UBN2: variants seen among roughly 807,000 people sequenced by gnomAD.
The protein encoded by UBN2 is ubinuclein 2.
Under a neutral mutation model 120.2 loss-of-function variants are expected in UBN2, and 35 were observed. The ratio of observed to expected loss-of-function variants is 0.29; its 90% CI spans 0.22 to 0.39. UBN2 has a LOEUF of 0.39. Among genes scored for constraint, UBN2 ranks in the 10% least tolerant of loss-of-function variants. The probability of loss-of-function intolerance (pLI) is 1.00; values close to 1 mark genes in which losing one functional copy is unlikely to be tolerated. For missense variants in UBN2, 1,693 were observed against 1,663.2 expected (o/e 1.02, Z -0.31); for synonymous variants, 661 against 648.7 (o/e 1.02, Z -0.29).
chr7:139,294,193 A>G (rs1011869254), intron 17 of UBN2, among the ~76,000 whole-genome samples: 1 of 152,196 alleles, frequency 6.6e-6, no homozygotes, highest in Non-Finnish European at 1.5e-5. Context: ...AGCCTTTTTG[A>G]AGGTGTTTAT....
chr7:139,293,495 TCTAGC>T, intron 16 of UBN2, 32 bp downstream of exon 16: 1 of 1,592,290 alleles, frequency 6.3e-7, no homozygotes, highest in Non-Finnish European at 8.6e-7. Flanking sequence ...GGTTGGGCTG[TCTAGC>T]TTGACAGAAC....
chr7:139,324,585 A>G, the UBN2 span, among the ~76,000 whole-genome samples: 5 of 151,364 alleles, frequency 3.3e-5, no homozygotes, highest in African/African-American at 7.3e-5. Context: ...AGAAAAAGAA[A>G]CTTATGCTAT....
rs1240471535 is a variant in UBN2, at chr7:139,302,748, T to A, written c.*4912T>A. ...CAAGAGGCCACCTTCGCCCTTTGAATATCTGCTTGTAGAAGTTAACAATAA... is the reference window on the plus strand; with the variant it reads ...CAAGAGGCCACCTTCGCCCTTTGAAAATCTGCTTGTAGAAGTTAACAATAA... On this transcript the variant is annotated 3_prime_UTR_variant, in exon 18 of 18. Transcript: ENST00000473989. 6.8e-6 allele frequency: 1 copy of A among 146,876 alleles called. No homozygotes were observed. Among genetic ancestry groups the A allele is most frequent in the Non-Finnish European group, 1.5e-5 (1 of 67,356 alleles). The allele number at this position is 146,876 out of a possible 1,614,324, so 9.1% of individuals were successfully genotyped here.
intron 8 of UBN2, among the ~76,000 whole-genome samples, chr7:139,271,570 C>T (rs922869419): frequency 9.5e-5 from 14 of 146,736 alleles, no homozygotes; most frequent in African/African-American, 1.5e-4. Flanking sequence ...TGTGTGACAG[C>T]GAGACTCTGT....
rs1160425111 is a variant in UBN2 at position 139,256,332 on chromosome 7, T to G, written c.664-2156T>G. ...GGTGATATATTTAGAATTTACTTTA[T>G]TATTTCAGAAGTTTTTTTCTTACAC... On this transcript the variant is annotated intron_variant, in intron 3 of 17. Transcript: ENST00000473989. 2.6e-5 allele frequency among the ~76,000 whole-genome samples: 4 copies of G among 152,232 alleles called. No homozygotes were observed. The East Asian group carries it at 7.7e-4, about 29-fold the overall frequency.
At chr7:139,261,178 G>T in intron 5 of UBN2, 74 bp from the exon 6 acceptor site, 1 of 1,482,318 alleles carries the variant, frequency 6.7e-7, no homozygotes, top group Non-Finnish European at 9.0e-7. Flanking sequence ...TTTTAATTCT[G>T]TGCCTGCTTA....
At chr7:139,266,040 T>C (rs948863593) in intron 6 of UBN2, among the ~76,000 whole-genome samples, 1 of 152,080 alleles carries the variant, frequency 6.6e-6, no homozygotes, top group African/African-American at 2.4e-5. Context: ...ACTCATTTGG[T>C]GTTCTACTGT....
intron 9 of UBN2, among the ~76,000 whole-genome samples, chr7:139,273,055 A>AT (rs1797335815): frequency 6.6e-6 from 1 of 152,220 alleles, no homozygotes. Context: ...ACTGTGGTTG[A>AT]ACACAAGTGT....
chr7:139,273,880 A>G (rs977832174), intron 10 of UBN2, 51 bp from the exon 11 acceptor site: 2 of 1,480,914 alleles, frequency 1.4e-6, no homozygotes, highest in Non-Finnish European at 1.8e-6. Flanking sequence ...ATTGCTGCCA[A>G]ATGTATGTTC....
At chr7:139,288,285 T>TA (rs1480319994) in intron 15 of UBN2, among the ~76,000 whole-genome samples, 1 of 152,142 alleles carries the variant, frequency 6.6e-6, no homozygotes, top group Non-Finnish European at 1.5e-5. Flanking sequence ...GATAATATGA[T>TA]AAAAGTGATT....
chr7:139,288,742 G>T (rs983984412), intron 15 of UBN2, among the ~76,000 whole-genome samples: 1 of 152,076 alleles, frequency 6.6e-6, no homozygotes, highest in Admixed American at 6.6e-5. Flanking sequence ...GGTGGCTCAT[G>T]CCTGTAAACC....
intron 12 of UBN2, among the ~76,000 whole-genome samples, chr7:139,278,179 G>C (rs1335773373): frequency 6.7e-6 from 1 of 149,170 alleles, no homozygotes. Context: ...GTCTCTCTCT[G>C]GCTTTTTTTT....
At chr7:139,250,948 AT>A (rs1796609215) in intron 2 of UBN2, among the ~76,000 whole-genome samples, 1 of 152,100 alleles carries the variant, frequency 6.6e-6, no homozygotes, top group Non-Finnish European at 1.5e-5. Context: ...CTCTACAAAA[AT>A]ATTTAAAAAT....
rs761675750 is a variant in UBN2, at chr7:139,261,506, C to T, written c.1160C>T (p.Thr387Ile). The change falls in exon 6 of 18, where the codon ACA becomes ATA. Residue 387 changes from threonine (T) to isoleucine (I), a missense_variant. By Grantham distance (89) the Thr-to-Ile change is moderately conservative. Coordinates refer to ENST00000473989, the MANE Select transcript of UBN2 (RefSeq NM_173569.4). Reference protein sequence around the residue: ...GDPDLPIFVSTNEHELFQEAE... With the variant: ...GDPDLPIFVSINEHELFQEAE... The stretch of plus-strand genomic sequence containing the variant: ...CCAGACCTTCCCATTTTTGTTAGCA[C>T]AAATGAACATGAGCTGTTTCAGGAA... The T allele has an allele frequency of 1.9e-6, 3 of 1,614,172 alleles. No homozygotes were observed. The highest frequency in any genetic ancestry group is 2.2e-5 in the South Asian group (2 of 91,080).
Position 139,266,417 on chromosome 7 carries a change from T to A in UBN2, c.1466+14T>A. On this transcript the variant is annotated intron_variant, in intron 7 of 17. Transcript: ENST00000473989. Reference sequence around the variant, plus strand: ...TATTCTTCTGGAGTAAGTAATTTTCTTTAAAAAAAAAAACCTTAAGAATGA... The same window carrying A: ...TATTCTTCTGGAGTAAGTAATTTTCATTAAAAAAAAAAACCTTAAGAATGA... 7.1e-7 allele frequency: 1 copy of A among 1,412,734 alleles called. No individual in the cohort carries two copies. Among genetic ancestry groups the A allele is most frequent in the Non-Finnish European group, 9.8e-7 (1 of 1,024,176 alleles). The allele number at this position is 1,412,734 out of a possible 1,614,324, so 87.5% of individuals were successfully genotyped here. A position where few individuals can be genotyped will look rare whatever the true frequency, so the allele number is the denominator to read the frequency against.
intron 8 of UBN2, among the ~76,000 whole-genome samples, chr7:139,271,168 A>G (rs929552537): frequency 2.0e-5 from 3 of 152,206 alleles, no homozygotes; most frequent in African/African-American, 7.2e-5. Context: ...TAATATACAC[A>G]TTTTTAAACA....
Position 139,283,996 on chromosome 7 carries a change from T to C in UBN2, c.3091T>C (p.Phe1031Leu), listed in dbSNP as rs781019119. 1 of 1,613,830 alleles carries C rather than the reference T, an allele frequency of 6.2e-7. No homozygotes were observed. The highest frequency in any genetic ancestry group is 1.3e-5 in the African/African-American group (1 of 74,842). The change falls in exon 15 of 18, where the codon TTC (phenylalanine) becomes CTC (leucine). Residue 1031 changes from phenylalanine to leucine, a missense_variant. Coordinates refer to ENST00000473989, the MANE Select transcript of UBN2 (RefSeq NM_173569.4). ...QISTQGFKSP[F>L]SMAASPKLAA... ...CTCCACGCAGGGTTTCAAATCTCCC[T>C]TCTCGATGGCTGCCTCCCCAAAACT...
At chr7:139,323,944 TG>T in the UBN2 span, among the ~76,000 whole-genome samples, 1 of 152,180 alleles carries the variant, frequency 6.6e-6, no homozygotes. Context: ...CCCATCTCAG[TG>T]CTTTGGGGCC....
At chr7:139,265,293 AC>A (rs544202148) in intron 6 of UBN2, among the ~76,000 whole-genome samples, 9 of 151,894 alleles carry the variant, frequency 5.9e-5, no homozygotes, top group South Asian at 2.1e-4. Flanking sequence ...CCTGGCTAAC[AC>A]GATGAAATCC....
Sources: allele counts gnomAD v4.1 joint callset (sites outside exome capture counted in the v4.1 genomes callset), GRCh38; gene constraint gnomAD v4.1.1; transcripts MANE v1.5; gene names NCBI Gene and HGNC (gene_info 2026-07-23, HGNC 2026-07-21).